Variants in SEMA3A observed in about 807,000 individuals in gnomAD.
SEMA3A encodes the protein semaphorin-3A.
In SEMA3A, 29 loss-of-function variants were observed where a neutral mutation model predicts 97.9. That is an observed-to-expected ratio of 0.30 (90% CI 0.22 to 0.40). SEMA3A has a LOEUF of 0.40. Among genes scored for constraint, SEMA3A ranks in the 10% least tolerant of loss-of-function variants. The probability of loss-of-function intolerance (pLI) is 1.00; values close to 1 mark genes in which losing one functional copy is unlikely to be tolerated. For missense variants in SEMA3A, 763 were observed against 951.3 expected, an observed-to-expected ratio of 0.80 and a Z score of 2.60; for synonymous variants, 321 against 323.7, an observed-to-expected ratio of 0.99 and a Z score of 0.09.
At chr7:84,289,041 A>G in intron 3 of SEMA3A, among the ~76,000 whole-genome samples, 1 of 152,174 alleles carries the variant, frequency 6.6e-6, no homozygotes, top group Non-Finnish European at 1.5e-5. Context: ...GCTGTTAAAA[A>G]AAAATATAAT....
intron 1 of SEMA3A, among the ~76,000 whole-genome samples, chr7:84,443,321 A>G (rs1387965554): frequency 2.0e-5 from 3 of 152,214 alleles, no homozygotes; most frequent in Admixed American, 6.5e-5. Flanking sequence ...GATAAGAATT[A>G]AAAATATACA....
chr7:84,062,239 T>C (rs778568652), intron 4 of SEMA3A, among the ~76,000 whole-genome samples: 3 of 152,232 alleles, frequency 2.0e-5, no homozygotes, highest in Non-Finnish European at 2.9e-5. Context: ...AAATATTACA[T>C]TGAGATGTTT....
intron 6 of SEMA3A, among the ~76,000 whole-genome samples, chr7:84,016,498 A>C (rs972194273): frequency 1.3e-4 from 19 of 151,048 alleles, no homozygotes; most frequent in African/African-American, 4.4e-4. Flanking sequence ...AGATCGCGCC[A>C]CTGCACTCCA....
At chr7:84,002,199 AT>A (rs1790484846) in intron 11 of SEMA3A, among the ~76,000 whole-genome samples, 153 bp from the exon 12 acceptor site, 1 of 152,202 alleles carries the variant, frequency 6.6e-6, no homozygotes, top group Non-Finnish European at 1.5e-5. Flanking sequence ...TAAAATATAT[AT>A]TCAAATGCAT....
chr7:84,431,783 A>G (rs1218782523), intron 1 of SEMA3A, among the ~76,000 whole-genome samples: 1 of 152,032 alleles, frequency 6.6e-6, no homozygotes, highest in Non-Finnish European at 1.5e-5. Flanking sequence ...CATTTACATT[A>G]CAAAGATTCA....
intron 1 of SEMA3A, among the ~76,000 whole-genome samples, chr7:84,464,754 A>G (rs1330954774): frequency 6.6e-6 from 1 of 152,222 alleles, no homozygotes; most frequent in African/African-American, 2.4e-5. Context: ...GGGGAAAGTT[A>G]GGAATAACTA....
chr7:84,358,015 C>A (rs1311891702), intron 2 of SEMA3A, among the ~76,000 whole-genome samples: 3 of 152,080 alleles, frequency 2.0e-5, no homozygotes, highest in African/African-American at 4.8e-5. Flanking sequence ...TGTTTGAGTT[C>A]TTTGTAGATA....
chr7:84,445,517 A>AAAAAAAAAAAG, intron 1 of SEMA3A, among the ~76,000 whole-genome samples: 1 of 119,720 alleles, frequency 8.4e-6, no homozygotes, highest in Non-Finnish European at 1.6e-5. Flanking sequence ...AAAAAAAAAA[A>AAAAAAAAAAAG]AAAGAAAAGA....
At chr7:84,246,253 T>G (rs1799474462) in intron 3 of SEMA3A, among the ~76,000 whole-genome samples, 3 of 152,194 alleles carry the variant, frequency 2.0e-5, no homozygotes, top group South Asian at 2.1e-4. Flanking sequence ...AGGAATACAA[T>G]TTCGTTGTTT....
intron 14 of SEMA3A, among the ~76,000 whole-genome samples, chr7:83,977,993 C>T (rs1048014883): frequency 2.6e-5 from 4 of 151,758 alleles, no homozygotes; most frequent in Admixed American, 1.3e-4. Flanking sequence ...TTAATAGAGA[C>T]GGGATTTCAC....
intron 1 of SEMA3A, among the ~76,000 whole-genome samples, chr7:84,183,683 A>G (rs2116244127): frequency 6.6e-6 from 1 of 152,274 alleles, no homozygotes; most frequent in African/African-American, 2.4e-5. Flanking sequence ...TTTAAATTTA[A>G]TATATGCTAT....
intron 2 of SEMA3A, among the ~76,000 whole-genome samples, chr7:84,335,538 C>T (rs17158890): frequency 0.02 from 2,989 of 152,132 alleles, 60 homozygotes; most frequent in East Asian, 0.067. Flanking sequence ...GTTTAGTTTT[C>T]GCTGAAAAGC....
At chr7:84,466,856 A>T (rs1190368754) in intron 1 of SEMA3A, among the ~76,000 whole-genome samples, 1 of 152,142 alleles carries the variant, frequency 6.6e-6, no homozygotes, top group Admixed American at 6.5e-5. Context: ...GCACCACTTT[A>T]TCCCTCACTT....
At chr7:84,197,669 C>G (rs1258686553), upstream of SEMA3A, among the ~76,000 whole-genome samples, 1 of 149,054 alleles carries the variant, frequency 6.7e-6, no homozygotes, top group Admixed American at 6.7e-5. Flanking sequence ...GTGTCAGAAT[C>G]TATCGGAATC....
At chr7:83,982,132 T>C (rs1789438649) in intron 13 of SEMA3A, among the ~76,000 whole-genome samples, 1 of 152,118 alleles carries the variant, frequency 6.6e-6, no homozygotes. Flanking sequence ...GCTGAAGTGT[T>C]GTGGAAAAAG....
intron 3 of SEMA3A, among the ~76,000 whole-genome samples, chr7:84,240,287 G>A (rs1799327398): frequency 6.6e-6 from 1 of 152,122 alleles, no homozygotes; most frequent in African/African-American, 2.4e-5. Context: ...TTTAATGCCT[G>A]GAAACTGTGA....
In SEMA3A at chr7:83,963,324, C is replaced by T. The variant is rs755994719; in HGVS notation, c.1741G>A (p.Glu581Lys). 2.5e-6 allele frequency: 4 copies of T among 1,613,426 alleles called. No homozygotes were observed. Among genetic ancestry groups the T allele is most frequent in the East Asian group, 2.2e-5 (1 of 44,868 alleles). The change falls in exon 16 of 17, where the codon GAA becomes AAA. Residue 581 changes from glutamate (E) to lysine (K), a missense_variant. Physicochemically the swap from Glu to Lys is moderately conservative, Grantham distance 56. Coordinates refer to ENST00000265362, the MANE Select transcript of SEMA3A (RefSeq NM_006080.3). ...TCTACACCATAGATGATTCTCTCTT[C>T]AGGGCTGTGGCCATGGTGATTATCT... Reference protein sequence around the residue: ...HHDNHHGHSPEERIIYGVENS... With the variant: ...HHDNHHGHSPKERIIYGVENS...
intron 1 of SEMA3A, among the ~76,000 whole-genome samples, chr7:84,434,140 G>C (rs1291841922): frequency 1.3e-5 from 2 of 152,038 alleles, no homozygotes; most frequent in African/African-American, 2.4e-5. Context: ...GTGGTATCTT[G>C]TGGATTTGAT....
chr7:84,206,230 C>A (rs1472131454), intron 3 of SEMA3A, among the ~76,000 whole-genome samples: 1 of 151,784 alleles, frequency 6.6e-6, no homozygotes, highest in African/African-American at 2.4e-5. Context: ...TAAATATATA[C>A]TTTAAAAGCA....
Sources: gnomAD v4.1 joint callset for allele counts (sites outside exome capture counted in the v4.1 genomes callset) on GRCh38, gnomAD v4.1.1 for gene constraint, MANE v1.5 for transcripts, NCBI Gene and HGNC (gene_info 2026-07-23, HGNC 2026-07-21) for gene names.